ALK: variants seen among roughly 807,000 people sequenced by gnomAD.
ALK encodes ALK receptor tyrosine kinase, also known as ALK tyrosine kinase receptor.
Under a neutral mutation model 163.1 loss-of-function variants are expected in ALK, and 74 were observed. The ratio of observed to expected loss-of-function variants is 0.45; its 90% confidence interval spans 0.38 to 0.55. ALK has a LOEUF of 0.55. Among genes scored for constraint, ALK ranks in the 20% least tolerant of loss-of-function variants. The probability of loss-of-function intolerance (pLI) is 0.00; values close to 1 mark genes in which losing one functional copy is unlikely to be tolerated. For missense variants in ALK, 2,063 were observed against 2,105.3 expected (o/e 0.98, Z 0.39); for synonymous variants, 960 against 843.2 (o/e 1.14, Z -2.40).
chr2:29,502,827 G>A (rs1672221804), intron 4 of ALK, among the ~76,000 whole-genome samples: 1 of 152,176 alleles, frequency 6.6e-6, no homozygotes, highest in Non-Finnish European at 1.5e-5. Flanking sequence ...TTTTCTTGAA[G>A]TGGAACCAGG....
rs1476493350 is a variant in ALK, at chr2:29,831,257, G to GA, written c.667+88735dup. On this transcript the variant is annotated intron_variant, in intron 1 of 28. Coordinates refer to ENST00000389048, the MANE Select transcript of ALK (RefSeq NM_004304.5). ...AGAGGAAGAAGAAGAGGAAGAGGAA[G>GA]AGGAAGAAGAAGAAGAAGAAGAAGA... 8.3e-3 allele frequency among the ~76,000 whole-genome samples: 792 copies of GA among 95,256 alleles called. 31 individuals carry two copies. Among genetic ancestry groups the GA allele is most frequent in the Admixed American group, 1.0e-2 (78 of 7,816 alleles). 62.5% of individuals were successfully genotyped at this position (95,256 alleles called of 152,430 possible).
chr2:29,493,075 T>A (rs1372816456), intron 4 of ALK, among the ~76,000 whole-genome samples: 11 of 152,188 alleles, frequency 7.2e-5, no homozygotes, highest in Admixed American at 7.2e-4. Flanking sequence ...GCTGTCCTTT[T>A]GAGTAATATG....
At position 29,274,246 on chromosome 2, in the gene ALK, A is replaced by G. The variant is rs1032730570; in HGVS notation, c.2041+853T>C. Among the ~76,000 whole-genome samples the G allele has an allele frequency of 1.8e-4, 28 of 152,262 alleles. 1 individual carries two copies. Among genetic ancestry groups the G allele is most frequent in the Admixed American group, 1.6e-3 (24 of 15,290 alleles). On this transcript the variant is annotated intron_variant, in intron 11 of 28. Coordinates refer to ENST00000389048, the MANE Select transcript of ALK (RefSeq NM_004304.5). The stretch of plus-strand genomic sequence containing the variant: ...ACCTCATTTTTTGTACTTTGTGCCA[A>G]AAAAGGATTTCACATTATAAGTTGA...
At chr2:29,360,292 G>C (rs553020941) in intron 5 of ALK, among the ~76,000 whole-genome samples, 219 of 152,290 alleles carry the variant, frequency 1.4e-3, no homozygotes, top group Non-Finnish European at 2.4e-3. Flanking sequence ...CCATGAGTGA[G>C]GCTTCTGGGT....
rs529533161 is a variant in ALK at position 29,544,684 on chromosome 2, TCTGA to T, written c.953-12572_953-12569del. 6.4e-4 allele frequency among the ~76,000 whole-genome samples: 97 copies of T among 152,150 alleles called. 1 individual carries two copies. The highest frequency in any genetic ancestry group is 3.4e-3 in the Middle Eastern group (1 of 292). On this transcript the variant is annotated intron_variant, in intron 3 of 28. Coordinates refer to ENST00000389048, the MANE Select transcript of ALK (RefSeq NM_004304.5). ...TCATCTCTCAAGTCTTTTCTGCTTG[TCTGA>T]CTTTCAAACTGTCCTTTCATAAGAC...
chr2:29,526,746 G>A (rs1210231333), intron 4 of ALK, among the ~76,000 whole-genome samples: 1 of 152,248 alleles, frequency 6.6e-6, no homozygotes, highest in Admixed American at 6.5e-5. Context: ...CACAGGCTCT[G>A]ATTTCCTCAG....
intron 3 of ALK, among the ~76,000 whole-genome samples, chr2:29,613,957 G>A (rs1055781953): frequency 2.6e-5 from 4 of 152,084 alleles, no homozygotes; most frequent in Non-Finnish European, 4.4e-5. Flanking sequence ...AATGAAACAG[G>A]AGCCAGTGTT....
intron 6 of ALK, among the ~76,000 whole-genome samples, chr2:29,324,452 T>C (rs1241173298): frequency 1.3e-5 from 2 of 152,260 alleles, no homozygotes; most frequent in African/African-American, 4.8e-5. Flanking sequence ...TTATGGGCGA[T>C]AGTTATTTTC....
At chr2:29,632,015 A>G (rs1051520438) in intron 3 of ALK, among the ~76,000 whole-genome samples, 1 of 152,256 alleles carries the variant, frequency 6.6e-6, no homozygotes, top group African/African-American at 2.4e-5. Context: ...GGTAGAAATA[A>G]GAAAATTGCA....
At chr2:29,720,296 T>G (rs1199687625) in intron 1 of ALK, among the ~76,000 whole-genome samples, 1 of 152,006 alleles carries the variant, frequency 6.6e-6, no homozygotes, top group Admixed American at 6.5e-5. Flanking sequence ...CTGTGGGCCA[T>G]CTCTTCAGAA....
At position 29,834,654 on chromosome 2, in the gene ALK, C is replaced by A. The variant is rs116227479; in HGVS notation, c.667+85339G>T. ...TACTTTGTCTAGAAATGGCAACAAG[C>A]CAAAAGGGTGCGAGTATAGAGAGGG... On this transcript the variant is annotated intron_variant, in intron 1 of 28. Coordinates refer to ENST00000389048, the MANE Select transcript of ALK (RefSeq NM_004304.5). 2.9e-3 allele frequency among the ~76,000 whole-genome samples: 440 copies of A among 152,078 alleles called. 1 individual carries two copies. The highest frequency in any genetic ancestry group is 0.01 in the African/African-American group (419 of 41,486).
At chr2:29,485,502 A>G (rs1671757515) in intron 4 of ALK, among the ~76,000 whole-genome samples, 1 of 152,214 alleles carries the variant, frequency 6.6e-6, no homozygotes, top group African/African-American at 2.4e-5. Flanking sequence ...GTATCTATTC[A>G]AGTATATCTT....
rs755487149 is a variant in ALK, at chr2:29,226,872, CA to C, written c.3067+49del. 25 of 1,611,460 alleles carry C rather than the reference CA, an allele frequency of 1.6e-5. No individual in the cohort carries two copies. The South Asian group carries it at 2.7e-4, about 18-fold the overall frequency. ...CCAGAAACCATTTGTGGTCATGGGC[CA>C]AATCTCAGGCTATGGGCCCCTCTGC... On this transcript the variant is annotated intron_variant, in intron 18 of 28. Transcript: ENST00000389048.
chr2:29,297,046 G>C lies in ALK; in HGVS notation c.1659C>G (p.Ser553=). The C allele has an allele frequency of 1.2e-6, 2 of 1,614,208 alleles. No homozygotes were observed. The highest frequency in any genetic ancestry group is 1.7e-6 in the Non-Finnish European group (2 of 1,180,026). ...IKSSPCELRM[S]WLIRGVLRGN... ...CCCTCAAGACTCCACGAATGAGCCA[G>C]GACATTCGGAGCTGTGAGGGCGAGA... The change falls in exon 9 of 29, where the codon TCC becomes TCG. Residue 553 remains serine (S), a synonymous_variant. Coordinates refer to ENST00000389048, the MANE Select transcript of ALK (RefSeq NM_004304.5).
rs1176542038 is a variant in ALK at position 29,484,118 on chromosome 2, C to T, written c.1154+47797G>A. Among the ~76,000 whole-genome samples the T allele has an allele frequency of 2.0e-5, 3 of 152,106 alleles. No individual in the cohort carries two copies. The East Asian group carries it at 5.8e-4, about 29-fold the overall frequency. On this transcript the variant is annotated intron_variant, in intron 4 of 28. Coordinates refer to ENST00000389048, the MANE Select transcript of ALK (RefSeq NM_004304.5). The stretch of plus-strand genomic sequence containing the variant: ...ACCACACCCATGATTCAGTTACTGC[C>T]CACTGGATGCCTCCCACGGGATTAT...
chr2:29,314,300 AT>A (rs1449275215), intron 8 of ALK, among the ~76,000 whole-genome samples: 1 of 152,108 alleles, frequency 6.6e-6, no homozygotes, highest in Non-Finnish European at 1.5e-5. Flanking sequence ...GACACAAAGG[AT>A]GGGTCCCCTT....
intron 3 of ALK, among the ~76,000 whole-genome samples, chr2:29,543,542 A>T (rs1012269071): frequency 6.6e-6 from 1 of 152,232 alleles, no homozygotes; most frequent in African/African-American, 2.4e-5. Context: ...GCTTTTTCCT[A>T]GCCCTATGGT....
intron 26 of ALK, among the ~76,000 whole-genome samples, chr2:29,202,293 CA>C (rs564614689): frequency 6.6e-6 from 1 of 152,168 alleles, no homozygotes; most frequent in Non-Finnish European, 1.5e-5. Context: ...CCACCTTTGC[CA>C]AAAAAACCCC....
At position 29,532,028 on chromosome 2, in the gene ALK, C is replaced by T. The variant is rs1673133948; in HGVS notation, c.1041G>A (p.Leu347=). 2.5e-6 allele frequency: 4 copies of T among 1,614,104 alleles called. No individual in the cohort carries two copies. The East Asian group carries it at 8.9e-5, about 36-fold the overall frequency. Residue 347 remains leucine, a synonymous_variant, in exon 4 of 29, where the codon CTG becomes CTA. Transcript: ENST00000389048. ...WMRSSSEHCT[L]AVSVHRHLQP... ...GCAGGTGCCTGTGCACCGAGACGGC[C>T]AGTGTGCAGTGCTCACTGCTGCTCC...
Sources: gnomAD v4.1 joint callset for allele counts (sites outside exome capture counted in the v4.1 genomes callset) on GRCh38, gnomAD v4.1.1 for gene constraint, MANE v1.5 for transcripts, NCBI Gene and HGNC (gene_info 2026-07-23, HGNC 2026-07-21) for gene names.